SMARCC1: variants seen among roughly 807,000 people sequenced by gnomAD.
SMARCC1 encodes SWI/SNF complex subunit SMARCC1.
A neutral mutation model predicts 147.4 loss-of-function variants in SMARCC1; 43 were observed. The observed-to-expected ratio is 0.29, with a 90% confidence interval of 0.23 to 0.38. The LOEUF (loss-of-function observed/expected upper bound fraction) is 0.38. Among genes scored for constraint, SMARCC1 ranks in the 10% least tolerant of loss-of-function variants. SMARCC1 has a pLI of 1.00. For synonymous variants in SMARCC1, 495 were observed against 484.4 expected, an observed-to-expected ratio of 1.02 and a Z score of -0.29; for missense variants, 1,119 against 1,381.1, an observed-to-expected ratio of 0.81 and a Z score of 3.01.
chr3:47,629,977 A>G (rs1013061139), intron 24 of SMARCC1, among the ~76,000 whole-genome samples: 9 of 151,706 alleles, frequency 5.9e-5, no homozygotes, highest in African/African-American at 2.2e-4. Flanking sequence ...AGTGGTGACC[A>G]GGGTGTTCCA....
chr3:47,649,341 TC>T (rs2033157909), intron 21 of SMARCC1, among the ~76,000 whole-genome samples: 1 of 152,264 alleles, frequency 6.6e-6, no homozygotes, highest in African/African-American at 2.4e-5. Flanking sequence ...AGGCGAGAAT[TC>T]TAACAGTCAT....
intron 2 of SMARCC1, among the ~76,000 whole-genome samples, chr3:47,757,792 A>C (rs1049395480): frequency 6.6e-6 from 1 of 151,616 alleles, no homozygotes; most frequent in African/African-American, 2.4e-5. Context: ...TCAAAAAAAA[A>C]AAAAAAAGAA....
At chr3:47,676,867 AAAC>A (rs2033581339) in intron 16 of SMARCC1, 85 bp from the exon 17 acceptor site, 3 of 1,176,868 alleles carry the variant, frequency 2.5e-6, no homozygotes, top group Non-Finnish European at 3.7e-6. Context: ...TAAAAAACAG[AAAC>A]AATAAAACCA....
intron 23 of SMARCC1, among the ~76,000 whole-genome samples, 175 bp downstream of exon 23, chr3:47,635,847 A>G (rs1183656059): frequency 1.3e-5 from 2 of 152,252 alleles, no homozygotes; most frequent in East Asian, 1.9e-4. Context: ...AAAAAAGTGT[A>G]GCCACCAGCA....
chr3:47,714,264 T>TATCATTAAA, intron 8 of SMARCC1, 151 bp downstream of exon 8: 1 of 599,520 alleles, frequency 1.7e-6, no homozygotes, highest in South Asian at 2.0e-5. Context: ...CTTGGGAGGC[T>TATCATTAAA]AACGCACGAG....
chr3:47,589,970 A>G (rs551971128), intron 27 of SMARCC1, among the ~76,000 whole-genome samples: 1 of 152,208 alleles, frequency 6.6e-6, no homozygotes, highest in Non-Finnish European at 1.5e-5. Context: ...GCATTTCAGC[A>G]TCATCCTCAC....
chr3:47,670,672 G>A lies in SMARCC1; in HGVS notation c.1885C>T (p.Leu629Phe). The A allele has an allele frequency of 6.3e-7, 1 of 1,582,156 alleles. No individual in the cohort carries two copies. The highest frequency in any genetic ancestry group is 8.7e-7 in the Non-Finnish European group (1 of 1,150,600). The change falls in exon 19 of 28, where the codon CTT (leucine) becomes TTT (phenylalanine). Residue 629 changes from leucine (L) to phenylalanine (F), a missense_variant. Physicochemically the swap from Leu to Phe is conservative, Grantham distance 22. Coordinates refer to ENST00000254480, the MANE Select transcript of SMARCC1 (RefSeq NM_003074.4). ...AATCTGCTTACCTCCAGGAGTAGAA[G>A]GGTCTCCTGTTCAGTCCATTCTCTT... ...AGREWTEQET[L>F]LLLEALEMYK...
rs2034073435 is a variant in SMARCC1 at position 47,710,617 on chromosome 3, A to C, written c.918+66T>G. ...GTTTGTATATGACAGCTTACTGATG[A>C]AGATTTAATAACATTTAGGCCAAGA... is the stretch of plus-strand genomic sequence containing the variant. On this transcript the variant is annotated intron_variant, in intron 9 of 27. Transcript: ENST00000254480. 4.6e-6 allele frequency: 7 copies of C among 1,525,878 alleles called. No homozygotes were observed. The Admixed American group carries it at 1.3e-4, about 29-fold the overall frequency. The allele number at this position is 1,525,878 out of a possible 1,614,324, so 94.5% of individuals were successfully genotyped here. A position where few individuals can be genotyped will look rare whatever the true frequency, so the allele number is the denominator to read the frequency against.
chr3:47,700,671 C>T (rs1211238324), intron 11 of SMARCC1, among the ~76,000 whole-genome samples: 4 of 152,092 alleles, frequency 2.6e-5, no homozygotes, highest in African/African-American at 7.2e-5. Flanking sequence ...ATTACAGGCA[C>T]GCACCACCAT....
intron 16 of SMARCC1, 88 bp from the exon 17 acceptor site, chr3:47,676,870 C>G (rs1475969467): frequency 1.3e-5 from 15 of 1,151,978 alleles, no homozygotes; most frequent in Non-Finnish European, 1.8e-5. Flanking sequence ...AAAACAGAAA[C>G]AATAAAACCA....
At chr3:47,630,680 C>CT (rs1346458629) in intron 24 of SMARCC1, among the ~76,000 whole-genome samples, 1 of 152,188 alleles carries the variant, frequency 6.6e-6, no homozygotes, top group Admixed American at 6.5e-5. Context: ...TAACAACGAT[C>CT]AACTTGCTTA....
intron 6 of SMARCC1, among the ~76,000 whole-genome samples, chr3:47,726,059 C>G (rs1415359250): frequency 5.2e-5 from 1 of 19,308 alleles, no homozygotes; most frequent in Non-Finnish European, 1.6e-4. Flanking sequence ...GAGACTCTGT[C>G]TCAAAAAAAA....
intron 5 of SMARCC1, among the ~76,000 whole-genome samples, chr3:47,729,422 ACC>A (rs1491132498): frequency 5.9e-5 from 9 of 152,068 alleles, no homozygotes; most frequent in Admixed American, 3.3e-4. Flanking sequence ...TTGCTCTGTC[ACC>A]CAGGCTATAG....
At chr3:47,636,788 A>ATGTGTGTGTGTGTG (rs35445330) in intron 22 of SMARCC1, among the ~76,000 whole-genome samples, 2 of 80,670 alleles carry the variant, frequency 2.5e-5, no homozygotes, top group African/African-American at 8.5e-5. Flanking sequence ...AAATATATAT[A>ATGTGTGTGTGTGTG]TGTGTGTGTG....
chr3:47,735,787 G>A (rs1282741384), intron 5 of SMARCC1, among the ~76,000 whole-genome samples: 1 of 151,408 alleles, frequency 6.6e-6, no homozygotes, highest in Admixed American at 6.6e-5. Context: ...GATCTCTTGA[G>A]CCCAGAAGTC....
At chr3:47,654,555 T>C (rs1281365003) in intron 21 of SMARCC1, among the ~76,000 whole-genome samples, 1 of 152,200 alleles carries the variant, frequency 6.6e-6, no homozygotes, top group Non-Finnish European at 1.5e-5. Context: ...AAAGCCTATC[T>C]GAAACTAGAT....
chr3:47,710,616 G>A, intron 9 of SMARCC1, 67 bp downstream of exon 9: 5 of 1,520,514 alleles, frequency 3.3e-6, no homozygotes, highest in Non-Finnish European at 4.5e-6. Flanking sequence ...GCTTACTGAT[G>A]AAGATTTAAT....
intron 24 of SMARCC1, among the ~76,000 whole-genome samples, chr3:47,631,119 A>G (rs879583103): frequency 3.3e-5 from 5 of 152,080 alleles, no homozygotes; most frequent in Non-Finnish European, 7.4e-5. Flanking sequence ...AGAGAGAAAG[A>G]GAAAAAAGCA....
chr3:47,679,224 A>AC (rs1359755301), intron 15 of SMARCC1, among the ~76,000 whole-genome samples: 1 of 152,052 alleles, frequency 6.6e-6, no homozygotes, highest in East Asian at 1.9e-4. Flanking sequence ...AAAAAAAAAA[A>AC]AAAAAGTAAC....
Sources: gnomAD v4.1 joint callset for allele counts (sites outside exome capture counted in the v4.1 genomes callset) on GRCh38, gnomAD v4.1.1 for gene constraint, MANE v1.5 for transcripts, NCBI Gene and HGNC (gene_info 2026-07-23, HGNC 2026-07-21) for gene names.